Variants in TOX2 observed in about 807,000 individuals in gnomAD.
The protein encoded by TOX2 is granulosa cell HMG box 1.
Under a neutral mutation model 47.4 loss-of-function variants are expected in TOX2, and 15 were observed. The ratio of observed to expected loss-of-function variants is 0.32; its 90% confidence interval spans 0.21 to 0.49. The LOEUF (loss-of-function observed/expected upper bound fraction) is 0.49, where lower values mean the gene tolerates loss of function less well. Among genes scored for constraint, TOX2 ranks in the 20% least tolerant of loss-of-function variants. The pLI, the probability that TOX2 is intolerant of heterozygous loss-of-function variation, is 0.99. For synonymous variants in TOX2, 290 were observed against 296.6 expected (o/e 0.98, Z 0.23); for missense variants, 622 against 673.1 (o/e 0.92, Z 0.84).
intron 3 of TOX2, among the ~76,000 whole-genome samples, chr20:44,040,028 G>A (rs139920749): frequency 2.3e-3 from 349 of 152,350 alleles, no homozygotes; most frequent in Middle Eastern, 6.8e-3. Context: ...AAGTGTTGGG[G>A]CAGCGGGGTG....
chr20:43,964,011 T>G (rs370582683), intron 1 of TOX2, among the ~76,000 whole-genome samples: 9 of 152,188 alleles, frequency 5.9e-5, no homozygotes, highest in Admixed American at 3.3e-4. Flanking sequence ...GGCAATGTTC[T>G]AAGCACTTTC....
rs542907039 is a variant in TOX2 at position 43,916,815 on chromosome 20, G to A, written c.99+1825G>A. The stretch of plus-strand genomic sequence containing the variant: ...GCCTGGAGCGCTCCGTTTGAGGGTG[G>A]TGTTTCTATAAATCTCGCCAGGGTG... On this transcript the variant is annotated intron_variant, in intron 1 of 8. Transcript: ENST00000341197. The surrounding 1 kb of genome is among the most constrained non-coding windows in gnomAD (Gnocchi z 5.0). 6.6e-5 allele frequency among the ~76,000 whole-genome samples: 10 copies of A among 152,308 alleles called. No individual in the cohort carries two copies. The East Asian group carries it at 1.5e-3, about 24-fold the overall frequency.
chr20:43,984,596 G>A (rs1027657867), intron 2 of TOX2, among the ~76,000 whole-genome samples: 3 of 152,160 alleles, frequency 2.0e-5, no homozygotes, highest in Admixed American at 6.6e-5. Context: ...CCTATGAGAC[G>A]TTTAAATATT....
intron 1 of TOX2, among the ~76,000 whole-genome samples, chr20:43,959,468 G>C (rs2069721420): frequency 6.6e-6 from 1 of 152,234 alleles, no homozygotes; most frequent in Admixed American, 6.5e-5. Flanking sequence ...AGGCATAAGT[G>C]CCAAGTTCAG....
chr20:44,033,546 A>G (rs1182630090), intron 3 of TOX2, among the ~76,000 whole-genome samples: 1 of 152,166 alleles, frequency 6.6e-6, no homozygotes, highest in African/African-American at 2.4e-5. Context: ...CAATGATGTA[A>G]TTTCAGAAGT....
intron 1 of TOX2, among the ~76,000 whole-genome samples, chr20:43,941,183 G>C (rs2145349043): frequency 6.6e-6 from 1 of 152,226 alleles, no homozygotes; most frequent in South Asian, 2.1e-4. Flanking sequence ...GGAAGCTTGG[G>C]TTTGGGCTGT....
intron 1 of TOX2, among the ~76,000 whole-genome samples, chr20:43,917,373 A>G (rs1329360006): frequency 2.6e-5 from 4 of 152,170 alleles, no homozygotes; most frequent in African/African-American, 7.2e-5. Flanking sequence ...ACTAGTCACT[A>G]TCAAAGCTGG....
intron 3 of TOX2, among the ~76,000 whole-genome samples, chr20:44,010,611 G>A (rs975460840): frequency 1.7e-4 from 26 of 152,296 alleles, no homozygotes; most frequent in African/African-American, 6.0e-4. Flanking sequence ...ACAAAGGGGC[G>A]TGGCTCTGTG....
At chr20:43,944,751 C>G (rs1246439331) in intron 1 of TOX2, among the ~76,000 whole-genome samples, 1 of 152,206 alleles carries the variant, frequency 6.6e-6, no homozygotes, top group Non-Finnish European at 1.5e-5. Context: ...TTTGCTGCTA[C>G]TGAAATGTCC....
intron 1 of TOX2, among the ~76,000 whole-genome samples, chr20:43,952,636 C>T (rs182579573): frequency 1.3e-3 from 195 of 152,242 alleles, no homozygotes; most frequent in Non-Finnish European, 1.4e-3. Context: ...CTAAACTAGA[C>T]GCATAGCTCC....
At chr20:43,928,467 C>T (rs2069206709) in intron 1 of TOX2, among the ~76,000 whole-genome samples, 1 of 152,232 alleles carries the variant, frequency 6.6e-6, no homozygotes, top group South Asian at 2.1e-4. Flanking sequence ...CGCTTTATTG[C>T]TGCTTTGGAC....
At chr20:44,031,548 C>T (rs1056170180) in intron 3 of TOX2, among the ~76,000 whole-genome samples, 6 of 152,094 alleles carry the variant, frequency 3.9e-5, no homozygotes, top group Admixed American at 6.5e-5. Flanking sequence ...GCTCATTGAC[C>T]GCCACCGTTT....
chr20:43,927,513 C>G (rs1182085979), intron 1 of TOX2, among the ~76,000 whole-genome samples: 1 of 115,440 alleles, frequency 8.7e-6, no homozygotes, highest in African/African-American at 3.2e-5. Flanking sequence ...ACACACACAT[C>G]ATGAGATATG....
intron 1 of TOX2, among the ~76,000 whole-genome samples, chr20:43,954,656 T>A (rs556264809): frequency 1.1e-4 from 16 of 152,014 alleles, no homozygotes; most frequent in Admixed American, 6.5e-4. Flanking sequence ...TGAGGAGGAG[T>A]GCCAGTGATT....
chr20:44,016,751 T>C (rs1031319590), intron 3 of TOX2, among the ~76,000 whole-genome samples: 2 of 152,192 alleles, frequency 1.3e-5, no homozygotes, highest in Non-Finnish European at 2.9e-5. Context: ...GAACTCCTAT[T>C]CCTGTATGAG....
chr20:44,058,041 G>C (rs2071653116), intron 5 of TOX2, among the ~76,000 whole-genome samples: 1 of 147,654 alleles, frequency 6.8e-6, no homozygotes, highest in Non-Finnish European at 1.5e-5. Flanking sequence ...GACAGACAGA[G>C]CACGGAGACT....
intron 3 of TOX2, among the ~76,000 whole-genome samples, chr20:44,031,545 G>A (rs572905790): frequency 2.6e-5 from 4 of 152,272 alleles, no homozygotes; most frequent in African/African-American, 9.6e-5. Context: ...GTGGCTCATT[G>A]ACCGCCACCG....
chr20:43,942,320 A>T (rs887900568), intron 1 of TOX2, among the ~76,000 whole-genome samples: 1 of 152,226 alleles, frequency 6.6e-6, no homozygotes, highest in African/African-American at 2.4e-5. Context: ...CCAGGATTCA[A>T]ACCCAGGCAT....
At chr20:43,917,765 T>G (rs1002848729) in intron 1 of TOX2, among the ~76,000 whole-genome samples, 2 of 152,216 alleles carry the variant, frequency 1.3e-5, no homozygotes, top group African/African-American at 2.4e-5. Flanking sequence ...TGGTTTTATT[T>G]TTGCTTTGAA....
Sources: allele counts gnomAD v4.1 joint callset (sites outside exome capture counted in the v4.1 genomes callset), GRCh38; gene constraint gnomAD v4.1.1; non-coding constraint Gnocchi (gnomAD v3.1); transcripts MANE v1.5; gene names NCBI Gene and HGNC (gene_info 2026-07-23, HGNC 2026-07-21).